ACP6: variants seen among roughly 807,000 people sequenced by gnomAD.
The protein encoded by ACP6 is acid phosphatase 6, lysophosphatidic, also known as lysophosphatidic acid phosphatase type 6.
ACP6 carries 48 observed loss-of-function variants against 48.1 expected under a neutral mutation model. That is an observed-to-expected ratio of 1.00 (90% CI 0.79 to 1.27). The LOEUF (loss-of-function observed/expected upper bound fraction) is 1.27, where lower values mean the gene tolerates loss of function less well. Among genes scored for constraint, ACP6 ranks in the 50% most tolerant of loss-of-function variants. ACP6 has a pLI of 0.00. For synonymous variants in ACP6, 172 were observed against 204.2 expected (o/e 0.84, Z 1.34); for missense variants, 485 against 529.1 (o/e 0.92, Z 0.82).
At chr1:147,666,469 C>T (rs587661067) in intron 1 of ACP6, among the ~76,000 whole-genome samples, 1 of 152,250 alleles carries the variant, frequency 6.6e-6, no homozygotes, top group East Asian at 1.9e-4. Context: ...AAACAAAAAC[C>T]TCCCAGGTGT....
chr1:147,664,077 C>T lies in ACP6; in HGVS notation c.220-4302G>A, dbSNP rs140714473. On this transcript the variant is annotated intron_variant, in intron 1 of 9. Transcript: ENST00000583509. ...CAGATTCTCTTGGCATCTAGGGAGC[C>T]CTCCATTCTTCCCAAAGGCATGTGT... Among the ~76,000 whole-genome samples the T allele has an allele frequency of 6.6e-5, 10 of 152,236 alleles. No homozygotes were observed. In the East Asian group the frequency reaches 1.9e-3, roughly 29 times the overall value.
intron 1 of ACP6, among the ~76,000 whole-genome samples, chr1:147,660,204 A>C (rs1174410746): frequency 1.3e-5 from 2 of 152,240 alleles, no homozygotes; most frequent in Non-Finnish European, 2.9e-5. Context: ...GATTCTACTT[A>C]ATGTCCCTTG....
At chr1:147,632,256 C>T (rs1659190420) in intron 5 of ACP6, among the ~76,000 whole-genome samples, 1 of 151,266 alleles carries the variant, frequency 6.6e-6, no homozygotes, top group African/African-American at 2.4e-5. Flanking sequence ...TGTTTGTATC[C>T]TTCATAGCAA....
chr1:147,648,531 G>T, intron 8 of ACP6, 120 bp from the exon 9 acceptor site: 1 of 1,174,316 alleles, frequency 8.5e-7, no homozygotes, highest in Non-Finnish European at 1.2e-6. Flanking sequence ...CTAGAAATCA[G>T]CTGAGCCTGG....
At chr1:147,633,242 CA>C (rs1659215729) in intron 5 of ACP6, among the ~76,000 whole-genome samples, 1 of 152,162 alleles carries the variant, frequency 6.6e-6, no homozygotes, top group Non-Finnish European at 1.5e-5. Flanking sequence ...CCCAGCCCTT[CA>C]GATAGTTGAA....
chr1:147,659,140 T>G, intron 3 of ACP6, 101 bp from the exon 4 acceptor site: 2 of 1,173,080 alleles, frequency 1.7e-6, no homozygotes, highest in Non-Finnish European at 2.4e-6. Flanking sequence ...CAAGAGTACA[T>G]AAGGAGAGCT....
chr1:147,650,430 G>C, intron 7 of ACP6, 192 bp from the exon 8 acceptor site: 1 of 514,952 alleles, frequency 1.9e-6, no homozygotes. Context: ...TGTGAATGAA[G>C]ACTCCCAACA....
intron 1 of ACP6, among the ~76,000 whole-genome samples, chr1:147,660,853 T>C (rs1408437551): frequency 2.6e-5 from 4 of 152,244 alleles, no homozygotes; most frequent in Non-Finnish European, 5.9e-5. Context: ...GATTAACTAA[T>C]GTAAACAAAA....
downstream of ACP6, among the ~76,000 whole-genome samples, chr1:147,638,240 GCCAGCCATT>G (rs1405335003): frequency 1.3e-5 from 2 of 152,168 alleles, no homozygotes; most frequent in East Asian, 3.9e-4. Flanking sequence ...TTGCCTATGT[GCCAGCCATT>G]GTTCTAAATG....
chr1:147,667,052 T>G (rs1489085297), intron 1 of ACP6, among the ~76,000 whole-genome samples: 4 of 152,056 alleles, frequency 2.6e-5, no homozygotes, highest in Non-Finnish European at 5.9e-5. Flanking sequence ...CTGGAAGCAG[T>G]GCCAAATCTT....
rs1321528815 is a variant in ACP6, at chr1:147,646,870, C to G, written c.*553G>C. The G allele has an allele frequency of 6.5e-6, 1 of 153,536 alleles. No homozygotes were observed. Among genetic ancestry groups the G allele is most frequent in the African/African-American group, 2.4e-5 (1 of 41,434 alleles). The allele number at this position is 153,536 out of a possible 1,614,324, so 9.5% of individuals were successfully genotyped here. On this transcript the variant is annotated 3_prime_UTR_variant, in exon 10 of 10. Coordinates refer to ENST00000583509, the MANE Select transcript of ACP6 (RefSeq NM_016361.5). ...CCACCTTTCTCTACTCAGATCAGGC[C>G]AGGACTTTTTCAGAAGCCTTCCTTG...
downstream of ACP6, among the ~76,000 whole-genome samples, chr1:147,638,356 G>A (rs1659352468): frequency 6.6e-6 from 1 of 152,168 alleles, no homozygotes; most frequent in African/African-American, 2.4e-5. Flanking sequence ...ACTTGCTCAA[G>A]GTCATATGGA....
At chr1:147,651,979 C>T (rs1306990381) in intron 7 of ACP6, 2 of 153,800 alleles carry the variant, frequency 1.3e-5, no homozygotes, top group African/African-American at 2.4e-5. Context: ...CAAGTTCTGG[C>T]TCCATCACTT....
intron 5 of ACP6, among the ~76,000 whole-genome samples, chr1:147,635,298 G>A (rs1167573088): frequency 3.9e-5 from 6 of 152,180 alleles, no homozygotes; most frequent in African/African-American, 9.7e-5. Context: ...TGTCCTCACT[G>A]CTCTAAGATT....
At chr1:147,659,362 A>T in intron 3 of ACP6, 34 bp downstream of exon 3, 1 of 1,608,116 alleles carries the variant, frequency 6.2e-7, no homozygotes, top group Non-Finnish European at 8.5e-7. Context: ...CAAGACCTTA[A>T]ATTAAGTGCA....
chr1:147,651,753 C>G (rs1553210599), intron 7 of ACP6: 1 of 152,124 alleles, frequency 6.6e-6, no homozygotes, highest in Non-Finnish European at 1.5e-5. Context: ...ATGCCTTTCC[C>G]CCCTACTCAT....
intron 8 of ACP6, among the ~76,000 whole-genome samples, chr1:147,649,597 A>AC (rs1659808644): frequency 6.6e-6 from 1 of 152,056 alleles, no homozygotes; most frequent in East Asian, 1.9e-4. Flanking sequence ...GGTGCGTGCC[A>AC]CCATGCCCGG....
chr1:147,669,102 A>T (rs1451994466), intron 1 of ACP6, among the ~76,000 whole-genome samples: 1 of 141,140 alleles, frequency 7.1e-6, no homozygotes. Context: ...ATTTTTTTTT[A>T]AACTATTTGT....
intron 1 of ACP6, among the ~76,000 whole-genome samples, chr1:147,667,495 C>T (rs1311955864): frequency 6.6e-6 from 1 of 151,262 alleles, no homozygotes; most frequent in African/African-American, 2.4e-5. Flanking sequence ...GGATTACAGG[C>T]ATGAGCCACC....
Sources: allele counts gnomAD v4.1 joint callset (sites outside exome capture counted in the v4.1 genomes callset), GRCh38; gene constraint gnomAD v4.1.1; transcripts MANE v1.5; gene names NCBI Gene and HGNC (gene_info 2026-07-23, HGNC 2026-07-21).